Variants in RTL4 observed in about 807,000 individuals in gnomAD.
RTL4 encodes the protein retrotransposon Gag like 4, also known as retrotransposon Gag-like protein 4.
Under a neutral mutation model 5.3 loss-of-function variants are expected in RTL4, and 4 were observed. That is an observed-to-expected ratio of 0.75 (90% CI 0.37 to 1.72). The LOEUF (loss-of-function observed/expected upper bound fraction) is 1.72, where lower values mean the gene tolerates loss of function less well. Among genes scored for constraint, RTL4 ranks in the 40% most tolerant of loss-of-function variants. RTL4 has a pLI of 0.04. For synonymous variants in RTL4, 98 were observed against 87.3 expected (o/e 1.12, Z -0.68); for missense variants, 260 against 227.1 (o/e 1.14, Z -0.93).
At chrX:112,316,267 T>G in the RTL4 span, among the ~76,000 whole-genome samples, 2 of 112,035 alleles carry the variant, frequency 1.8e-5, no homozygotes, top group Non-Finnish European at 3.8e-5. Flanking sequence ...GATTCAATAA[T>G]CCTGTTGTTT....
At chrX:112,291,183 A>T in the RTL4 span, among the ~76,000 whole-genome samples, 29 of 110,402 alleles carry the variant, frequency 2.6e-4, no homozygotes, top group Admixed American at 4.9e-4. Flanking sequence ...TGGTGGGTGG[A>T]AGAGGTGTCC....
At chrX:112,357,060 T>G in the RTL4 span, among the ~76,000 whole-genome samples, 1 of 111,372 alleles carries the variant, frequency 9.0e-6, no homozygotes, top group African/African-American at 3.3e-5. Context: ...CAGGGAAATA[T>G]ATTAGATTAT....
chrX:112,455,837 T>C (rs765635236), exon 1 of RTL4: 10 of 433,236 alleles, frequency 2.3e-5, no homozygotes, highest in Non-Finnish European at 3.1e-5. Flanking sequence ...AAATTACCCC[T>C]CACGAAACCT....
At chrX:112,109,988 T>G in the RTL4 span, among the ~76,000 whole-genome samples, 53 of 111,740 alleles carry the variant, frequency 4.7e-4, no homozygotes, top group African/African-American at 1.1e-3. Context: ...CTGGCCTTGA[T>G]CCTGGAGGAA....
chrX:112,380,996 C>A, the RTL4 span, among the ~76,000 whole-genome samples: 1 of 111,120 alleles, frequency 9.0e-6, no homozygotes, highest in Non-Finnish European at 1.9e-5. Flanking sequence ...GGAGGACCGG[C>A]TGCTCGGGTT....
the RTL4 span, among the ~76,000 whole-genome samples, chrX:112,277,143 A>G: frequency 1.8e-5 from 2 of 111,439 alleles, no homozygotes; most frequent in Non-Finnish European, 3.8e-5. Context: ...AAAGCTTCTG[A>G]GGTAATACAG....
At chrX:112,382,633 G>A in the RTL4 span, among the ~76,000 whole-genome samples, 11 of 112,278 alleles carry the variant, frequency 9.8e-5, 1 homozygote, top group Non-Finnish European at 7.5e-5. Flanking sequence ...TTTGAATAGC[G>A]TTCTGCTCAG....
At chrX:112,438,093 T>G in the RTL4 span, among the ~76,000 whole-genome samples, 2 of 111,388 alleles carry the variant, frequency 1.8e-5, no homozygotes, top group African/African-American at 6.5e-5. Context: ...AACCAACATT[T>G]GTTTTCTCAC....
the RTL4 span, among the ~76,000 whole-genome samples, chrX:112,208,415 T>G: frequency 8.9e-6 from 1 of 112,128 alleles, no homozygotes; most frequent in Non-Finnish European, 1.9e-5. Context: ...TGAGGCCAAG[T>G]TCTCAGACTG....
chrX:112,100,251 C>T, the RTL4 span, among the ~76,000 whole-genome samples: 1 of 111,827 alleles, frequency 8.9e-6, no homozygotes, highest in Non-Finnish European at 1.9e-5. Context: ...TGGGAGCAGA[C>T]ATGAGATTGC....
the RTL4 span, among the ~76,000 whole-genome samples, chrX:112,373,343 T>C: frequency 9.0e-6 from 1 of 111,542 alleles, no homozygotes; most frequent in Non-Finnish European, 1.9e-5. Context: ...CACATAGTGG[T>C]AACTCATTGT....
the RTL4 span, among the ~76,000 whole-genome samples, chrX:112,203,504 G>T: frequency 9.0e-6 from 1 of 111,296 alleles, no homozygotes; most frequent in Non-Finnish European, 1.9e-5. Context: ...TTGTTAAAAA[G>T]ACTTCTTTTC....
chrX:112,107,360 T>TA, the RTL4 span, among the ~76,000 whole-genome samples: 1 of 112,404 alleles, frequency 8.9e-6, no homozygotes, highest in Admixed American at 9.4e-5. Flanking sequence ...ACACCATTAT[T>TA]AGAGTATTCT....
the RTL4 span, among the ~76,000 whole-genome samples, chrX:112,178,158 T>C: frequency 9.0e-6 from 1 of 111,294 alleles, no homozygotes; most frequent in African/African-American, 3.3e-5. Context: ...TACTCCCCTT[T>C]TGATGCCTGA....
chrX:112,233,887 A>C, the RTL4 span, among the ~76,000 whole-genome samples: 1 of 111,733 alleles, frequency 8.9e-6, no homozygotes, highest in East Asian at 2.8e-4. Flanking sequence ...ATGGATGCCA[A>C]TTTGCCTTAA....
At chrX:112,429,597 A>T in the RTL4 span, among the ~76,000 whole-genome samples, 9 of 111,379 alleles carry the variant, frequency 8.1e-5, no homozygotes, top group African/African-American at 3.3e-5. Flanking sequence ...TAAGCCAAAA[A>T]AAAAATAAAA....
the RTL4 span, among the ~76,000 whole-genome samples, chrX:112,165,975 C>G: frequency 8.9e-6 from 1 of 112,447 alleles, no homozygotes; most frequent in East Asian, 2.8e-4. Context: ...ATACAGCACT[C>G]TTAAAGAGGA....
At chrX:112,398,396 C>CTTTTTT in the RTL4 span, among the ~76,000 whole-genome samples, 38 of 72,120 alleles carry the variant, frequency 5.3e-4, no homozygotes, top group African/African-American at 1.5e-3. Context: ...TTCTTTCTTT[C>CTTTTTT]TTTTTTTTTT....
the RTL4 span, among the ~76,000 whole-genome samples, chrX:112,326,352 G>T: frequency 1.8e-4 from 20 of 111,612 alleles, no homozygotes; most frequent in African/African-American, 6.2e-4. Flanking sequence ...AAGCACAAGG[G>T]GTCAGGGAGT....
Sources: gnomAD v4.1 joint callset for allele counts (sites outside exome capture counted in the v4.1 genomes callset) on GRCh38, gnomAD v4.1.1 for gene constraint, MANE v1.5 for transcripts, NCBI Gene and HGNC (gene_info 2026-07-23, HGNC 2026-07-21) for gene names.